CEP63: variants seen among roughly 807,000 people sequenced by gnomAD.
CEP63 encodes centrosomal protein 63.
In CEP63, 84 loss-of-function variants were observed where a neutral mutation model predicts 89.1. That is an observed-to-expected ratio of 0.94 (90% CI 0.79 to 1.13). The LOEUF (loss-of-function observed/expected upper bound fraction) is 1.13. CEP63 is among the 50% of genes most tolerant of loss of function. The probability of loss-of-function intolerance (pLI) is 0.00; values close to 1 mark genes in which losing one functional copy is unlikely to be tolerated. For synonymous variants in CEP63, 267 were observed against 272.5 expected (o/e 0.98, Z 0.20); for missense variants, 838 against 813.3 (o/e 1.03, Z -0.37).
chr3:134,541,580 A>G (rs1352062245), intron 6 of CEP63, among the ~76,000 whole-genome samples: 1 of 149,916 alleles, frequency 6.7e-6, no homozygotes, highest in Non-Finnish European at 1.5e-5. Context: ...CAGTGGCACA[A>G]TCTCGGCTCG....
At chr3:134,671,745 G>T in the CEP63 span, among the ~76,000 whole-genome samples, 3 of 152,208 alleles carry the variant, frequency 2.0e-5, no homozygotes, top group Non-Finnish European at 4.4e-5. Context: ...CTACACAGGG[G>T]TGGCAGAGTG....
the CEP63 span, among the ~76,000 whole-genome samples, chr3:134,688,620 A>G: frequency 3.9e-5 from 6 of 152,182 alleles, no homozygotes; most frequent in African/African-American, 1.4e-4. Flanking sequence ...GTGGTGCCTT[A>G]TTTGACAGGT....
the CEP63 span, among the ~76,000 whole-genome samples, chr3:134,655,205 G>C: frequency 1.3e-5 from 2 of 152,196 alleles, no homozygotes; most frequent in Non-Finnish European, 2.9e-5. Flanking sequence ...TCTGGGGAAG[G>C]TCTCATGGAT....
At chr3:134,687,024 A>T in the CEP63 span, among the ~76,000 whole-genome samples, 58 of 152,316 alleles carry the variant, frequency 3.8e-4, no homozygotes, top group South Asian at 2.7e-3. Flanking sequence ...ATTTTCTTTC[A>T]GTAAACTTTA....
intron 6 of CEP63, among the ~76,000 whole-genome samples, chr3:134,544,638 G>T (rs953565921): frequency 2.0e-5 from 3 of 149,764 alleles, no homozygotes; most frequent in Non-Finnish European, 3.0e-5. Flanking sequence ...GCTCTAGGTG[G>T]GGGGGGGAAT....
chr3:134,602,269 T>C, the CEP63 span, among the ~76,000 whole-genome samples: 1 of 152,134 alleles, frequency 6.6e-6, no homozygotes, highest in African/African-American at 2.4e-5. Context: ...CTGCCCTCGC[T>C]GAAGTCAGCC....
At chr3:134,588,692 A>G (rs868195141), downstream of CEP63, among the ~76,000 whole-genome samples, 1 of 152,234 alleles carries the variant, frequency 6.6e-6, no homozygotes, top group Non-Finnish European at 1.5e-5. Flanking sequence ...CTAAACGTCA[A>G]GAAAATGGAA....
chr3:134,697,155 T>C, the CEP63 span, among the ~76,000 whole-genome samples: 1 of 152,228 alleles, frequency 6.6e-6, no homozygotes, highest in African/African-American at 2.4e-5. Context: ...GCAGCTATCT[T>C]CAAATGTTTG....
At chr3:134,665,587 C>T in the CEP63 span, among the ~76,000 whole-genome samples, 7 of 151,938 alleles carry the variant, frequency 4.6e-5, no homozygotes, top group Non-Finnish European at 7.4e-5. Flanking sequence ...CATCTGTTCC[C>T]GGCCGCCAGC....
At chr3:134,639,047 CT>C in the CEP63 span, among the ~76,000 whole-genome samples, 9 of 135,852 alleles carry the variant, frequency 6.6e-5, no homozygotes, top group Admixed American at 6.0e-4. Flanking sequence ...CATTTACAGC[CT>C]TTTTTTTTTT....
intron 10 of CEP63, among the ~76,000 whole-genome samples, chr3:134,581,814 T>C (rs1229130605): frequency 3.1e-4 from 46 of 148,344 alleles, no homozygotes; most frequent in Non-Finnish European, 4.3e-4. Flanking sequence ...TAGCTGGGAC[T>C]ACAGGCGCCC....
chr3:134,726,020 T>C, the CEP63 span, among the ~76,000 whole-genome samples: 1 of 152,208 alleles, frequency 6.6e-6, no homozygotes, highest in Non-Finnish European at 1.5e-5. Context: ...TTAAGCTACA[T>C]GGAGGAAAAA....
intron 12 of CEP63, among the ~76,000 whole-genome samples, chr3:134,555,965 T>C (rs377649517): frequency 1.3e-5 from 2 of 148,528 alleles, no homozygotes; most frequent in Non-Finnish European, 1.5e-5. Flanking sequence ...TCAGAAATAA[T>C]GCCGCATATC....
the CEP63 span, chr3:134,643,410 A>G: frequency 1.3e-6 from 2 of 1,594,472 alleles, no homozygotes; most frequent in Non-Finnish European, 1.7e-6. Context: ...GCCTGCAGTG[A>G]CCACTGGGGA....
the CEP63 span, among the ~76,000 whole-genome samples, chr3:134,746,316 T>A: frequency 6.6e-6 from 1 of 152,200 alleles, no homozygotes; most frequent in African/African-American, 2.4e-5. Flanking sequence ...TAATCCAGTC[T>A]ATCATTGATG....
At chr3:134,532,993 T>G in intron 5 of CEP63, 93 bp downstream of exon 5, 2 of 1,352,008 alleles carry the variant, frequency 1.5e-6, no homozygotes, top group Non-Finnish European at 2.1e-6. Flanking sequence ...GAACCAATTT[T>G]CTACTATCTT....
At chr3:134,579,449 T>C (rs896129999), downstream of CEP63, among the ~76,000 whole-genome samples, 1 of 152,254 alleles carries the variant, frequency 6.6e-6, no homozygotes, top group Non-Finnish European at 1.5e-5. Context: ...CAATGCTTGA[T>C]AGCTGTTAGT....
chr3:134,780,650 T>C, the CEP63 span: 1 of 152,254 alleles, frequency 6.6e-6, no homozygotes, highest in East Asian at 1.9e-4. Context: ...GACACATTTA[T>C]TTCATATTGA....
At chr3:134,762,876 A>T in the CEP63 span, among the ~76,000 whole-genome samples, 4 of 152,166 alleles carry the variant, frequency 2.6e-5, no homozygotes, top group African/African-American at 9.7e-5. Context: ...ACGAACGAAC[A>T]ACCAAACACA....
Sources: allele counts gnomAD v4.1 joint callset (sites outside exome capture counted in the v4.1 genomes callset), GRCh38; gene constraint gnomAD v4.1.1; transcripts MANE v1.5; gene names NCBI Gene and HGNC (gene_info 2026-07-23, HGNC 2026-07-21).